The following PDCD6 variants were observed in gnomAD, a reference collection of about 807,000 sequenced individuals.
The protein encoded by PDCD6 is programmed cell death protein 6.
PDCD6 carries 12 observed loss-of-function variants against 28.3 expected under a neutral mutation model. That is an observed-to-expected ratio of 0.42 (90% CI 0.27 to 0.69). The LOEUF (loss-of-function observed/expected upper bound fraction) is 0.69. Among genes scored for constraint, PDCD6 ranks in the 30% least tolerant of loss-of-function variants. The probability of loss-of-function intolerance (pLI) is 0.22; values close to 1 mark genes in which losing one functional copy is unlikely to be tolerated. For missense variants in PDCD6, 226 were observed against 269.9 expected (o/e 0.84, Z 1.14); for synonymous variants, 92 against 108.0 (o/e 0.85, Z 0.92).
intron 2 of PDCD6, among the ~76,000 whole-genome samples, chr5:288,311 T>TATATACAC (rs34574011): frequency 2.8e-4 from 40 of 144,958 alleles, no homozygotes; most frequent in Middle Eastern, 3.6e-3. Flanking sequence ...TATATATATA[T>TATATACAC]ACACATATGT....
At position 311,279 on chromosome 5, in the gene PDCD6, T is replaced by G. The variant is rs1260223718; in HGVS notation, c.368-14T>G. Reference sequence around the variant, plus strand: ...TCTCCCAGCCTTCTCTGACTCTGACTTTCCCTCTTGAAGGCTACCGGCTCT... The same window carrying G: ...TCTCCCAGCCTTCTCTGACTCTGACGTTCCCTCTTGAAGGCTACCGGCTCT... On this transcript the variant is annotated splice_polypyrimidine_tract_variant and intron_variant, in intron 4 of 5. Transcript: ENST00000264933. The G allele has an allele frequency of 6.2e-7, 1 of 1,607,274 alleles. No individual in the cohort carries two copies. The highest frequency in any genetic ancestry group is 1.7e-5 in the Admixed American group (1 of 59,990).
rs1003889114 is a variant in PDCD6 at position 307,077 on chromosome 5, C to T, written c.367+317C>T. Among the ~76,000 whole-genome samples, 2 of 152,134 alleles carry T rather than the reference C, an allele frequency of 1.3e-5. No homozygotes were observed. The highest frequency in any genetic ancestry group is 2.9e-5 in the Non-Finnish European group (2 of 68,024). ...TTTAAAAGTGGATCCATGAAAATAC[C>T]GTGGGGCAGGGCAGCTTATATTTCA... On this transcript the variant is annotated intron_variant, in intron 4 of 5. Coordinates refer to ENST00000264933, the MANE Select transcript of PDCD6 (RefSeq NM_013232.4). The surrounding 1 kb of genome is among the most constrained non-coding windows in gnomAD (Gnocchi z 6.1).
At chr5:298,079 C>T (rs1369478592) in intron 2 of PDCD6, among the ~76,000 whole-genome samples, 5 of 152,280 alleles carry the variant, frequency 3.3e-5, no homozygotes, top group Admixed American at 2.6e-4. Context: ...GCTCTGCTAT[C>T]GATATCAGGG....
At chr5:306,951 A>G (rs1267713641) in intron 4 of PDCD6, among the ~76,000 whole-genome samples, 191 bp downstream of exon 4, 2 of 152,196 alleles carry the variant, frequency 1.3e-5, no homozygotes, top group Non-Finnish European at 2.9e-5. Flanking sequence ...ACGTTTATTC[A>G]GGTTTTTATC....
intron 2 of PDCD6, among the ~76,000 whole-genome samples, chr5:278,988 G>C (rs946525897): frequency 6.6e-6 from 1 of 152,032 alleles, no homozygotes; most frequent in Non-Finnish European, 1.5e-5. Context: ...GTTGTTTCGC[G>C]CCAAGCTAAT....
chr5:309,017 C>T (rs775856567), intron 4 of PDCD6: 3 of 153,520 alleles, frequency 2.0e-5, no homozygotes, highest in Non-Finnish European at 4.4e-5. Flanking sequence ...GTGGGCAGTG[C>T]GTGTCTGACA....
At chr5:291,886 C>T (rs1405239804) in intron 2 of PDCD6, among the ~76,000 whole-genome samples, 1 of 152,220 alleles carries the variant, frequency 6.6e-6, no homozygotes, top group African/African-American at 2.4e-5. Flanking sequence ...TACACAAGTG[C>T]AAGTTGCTTC....
chr5:291,163 A>G (rs1363548677), intron 2 of PDCD6, among the ~76,000 whole-genome samples: 4 of 152,052 alleles, frequency 2.6e-5, no homozygotes, highest in African/African-American at 9.7e-5. Context: ...ACTTTTCTTC[A>G]TAGTACGTTT....
At chr5:292,204 T>C (rs952340332) in intron 2 of PDCD6, among the ~76,000 whole-genome samples, 1 of 152,204 alleles carries the variant, frequency 6.6e-6, no homozygotes, top group Non-Finnish European at 1.5e-5. Context: ...CCAGTTCAGC[T>C]CTTTTCCCCA....
chr5:287,903 A>AG (rs1739076256), intron 2 of PDCD6, among the ~76,000 whole-genome samples: 1 of 152,258 alleles, frequency 6.6e-6, no homozygotes, highest in Non-Finnish European at 1.5e-5. Context: ...CAAAAGTTCA[A>AG]GGAACCTGCT....
chr5:285,530 G>T (rs1192114216), intron 2 of PDCD6, among the ~76,000 whole-genome samples: 1 of 151,658 alleles, frequency 6.6e-6, no homozygotes, highest in East Asian at 1.9e-4. Flanking sequence ...GGGAGCTGAT[G>T]TTCCAGTTTG....
chr5:274,892 T>C lies in PDCD6; in HGVS notation c.163+2120T>C, dbSNP rs144377996. Reference sequence around the variant, plus strand: ...TCTTGATTTCAGCTGCTACTAAATATCTACCAGGAGACTGCTTGAGAGAAT... The same window carrying C: ...TCTTGATTTCAGCTGCTACTAAATACCTACCAGGAGACTGCTTGAGAGAAT... On this transcript the variant is annotated intron_variant, in intron 2 of 5. Transcript: ENST00000264933. Among the ~76,000 whole-genome samples the C allele has an allele frequency of 6.2e-3, 950 of 152,302 alleles. 12 individuals carry two copies. Among genetic ancestry groups the C allele is most frequent in the African/African-American group, 0.022 (933 of 41,572 alleles).
intron 2 of PDCD6, among the ~76,000 whole-genome samples, chr5:297,432 T>C (rs1579519149): frequency 1.3e-5 from 2 of 152,390 alleles, no homozygotes; most frequent in East Asian, 3.9e-4. Context: ...GATAGATTTG[T>C]ATACCTTTAG....
At chr5:294,087 C>T (rs1181603132) in intron 2 of PDCD6, among the ~76,000 whole-genome samples, 8 of 150,646 alleles carry the variant, frequency 5.3e-5, no homozygotes, top group South Asian at 2.1e-4. Flanking sequence ...GAGAACATAA[C>T]GCTATAAAAC....
chr5:285,218 C>T (rs535039848), intron 2 of PDCD6, among the ~76,000 whole-genome samples: 363 of 149,668 alleles, frequency 2.4e-3, no homozygotes, highest in Non-Finnish European at 3.6e-3. Context: ...GTTTTAGGGC[C>T]GTGAAGCTGT....
intron 4 of PDCD6, 122 bp from the exon 5 acceptor site, chr5:311,171 G>A (rs1038629695): frequency 4.5e-5 from 33 of 738,858 alleles, no homozygotes; most frequent in African/African-American, 3.4e-4. Flanking sequence ...TTGCACTTCC[G>A]TTCCCACACA....
At chr5:310,906 T>C in intron 4 of PDCD6, 1 of 200,370 alleles carries the variant, frequency 5.0e-6, no homozygotes, top group Non-Finnish European at 1.0e-5. Flanking sequence ...ATAAACATAA[T>C]AAAATCAATA....
At chr5:278,662 G>A (rs1241401469) in intron 2 of PDCD6, among the ~76,000 whole-genome samples, 2 of 151,408 alleles carry the variant, frequency 1.3e-5, no homozygotes, top group Non-Finnish European at 2.9e-5. Context: ...GCAGTAAACC[G>A]AGATCGTGCC....
intron 2 of PDCD6, among the ~76,000 whole-genome samples, chr5:286,466 G>A (rs759236551): frequency 7.2e-5 from 11 of 151,728 alleles, no homozygotes; most frequent in Non-Finnish European, 1.0e-4. Context: ...CTGGAGACCT[G>A]GGGAGGAGCT....
Sources: gnomAD v4.1 joint callset for allele counts (sites outside exome capture counted in the v4.1 genomes callset) on GRCh38, gnomAD v4.1.1 for gene constraint, Gnocchi (gnomAD v3.1) non-coding constraint, MANE v1.5 for transcripts, NCBI Gene and HGNC (gene_info 2026-07-23, HGNC 2026-07-21) for gene names.